ZNF385D: variants seen among roughly 807,000 people sequenced by gnomAD.
The protein encoded by ZNF385D is zinc finger protein 659.
In ZNF385D, 15 loss-of-function variants were observed where a neutral mutation model predicts 35.8. The ratio of observed to expected loss-of-function variants is 0.42; its 90% CI spans 0.28 to 0.64. The LOEUF is 0.64. Among genes scored for constraint, ZNF385D ranks in the 30% least tolerant of loss-of-function variants. ZNF385D has a pLI of 0.23. For missense variants in ZNF385D, 474 were observed against 494.6 expected (o/e 0.96, Z 0.39); for synonymous variants, 212 against 186.8 (o/e 1.13, Z -1.10).
intron 1 of ZNF385D, among the ~76,000 whole-genome samples, chr3:21,734,819 C>G (rs1314095090): frequency 6.6e-6 from 1 of 152,058 alleles, no homozygotes; most frequent in Non-Finnish European, 1.5e-5. Flanking sequence ...TACCATGGGA[C>G]AGCCAAGTTT....
intron 2 of ZNF385D, among the ~76,000 whole-genome samples, chr3:22,271,279 A>C (rs1701164041): frequency 6.6e-6 from 1 of 152,036 alleles, no homozygotes; most frequent in South Asian, 2.1e-4. Context: ...GGAGTAAAGA[A>C]AAGGCAGAGA....
chr3:21,763,291 T>C (rs1001850032), intron 3 of ZNF385D, among the ~76,000 whole-genome samples: 3 of 152,192 alleles, frequency 2.0e-5, no homozygotes, highest in Non-Finnish European at 4.4e-5. Context: ...CCCGGAGATA[T>C]TCAATCATGA....
At chr3:21,518,613 A>C (rs546312806) in intron 3 of ZNF385D, among the ~76,000 whole-genome samples, 1 of 152,292 alleles carries the variant, frequency 6.6e-6, no homozygotes, top group South Asian at 2.1e-4. Flanking sequence ...TTTTATTTGC[A>C]TTAAGCTGAG....
At chr3:22,133,564 A>T (rs1703929850) in intron 3 of ZNF385D, 3 of 152,138 alleles carry the variant, frequency 2.0e-5, no homozygotes, top group Non-Finnish European at 2.9e-5. Context: ...AGGCAAGATC[A>T]AGTAATAAGC....
At chr3:21,762,340 T>A (rs912983455) in intron 3 of ZNF385D, among the ~76,000 whole-genome samples, 3 of 152,204 alleles carry the variant, frequency 2.0e-5, no homozygotes, top group African/African-American at 7.2e-5. Flanking sequence ...CATTTCTCTA[T>A]GCCTGGTATC....
At chr3:22,294,326 A>C (rs1453280592) in intron 2 of ZNF385D, among the ~76,000 whole-genome samples, 2 of 151,942 alleles carry the variant, frequency 1.3e-5, no homozygotes, top group African/African-American at 4.8e-5. Flanking sequence ...TCCCTCCTTA[A>C]TGAGCCTCCA....
chr3:22,251,227 T>A (rs534064146), intron 2 of ZNF385D, among the ~76,000 whole-genome samples: 66 of 152,160 alleles, frequency 4.3e-4, no homozygotes, highest in Non-Finnish European at 7.9e-4. Flanking sequence ...TCCGTTTACA[T>A]GAGTGCTTAA....
At chr3:21,571,044 T>C (rs1264262970) in intron 2 of ZNF385D, among the ~76,000 whole-genome samples, 1 of 152,164 alleles carries the variant, frequency 6.6e-6, no homozygotes, top group East Asian at 1.9e-4. Flanking sequence ...AAAAAGTACA[T>C]ACATTTTAAG....
intron 3 of ZNF385D, among the ~76,000 whole-genome samples, chr3:21,932,560 C>A (rs533506161): frequency 1.3e-5 from 2 of 151,770 alleles, no homozygotes; most frequent in African/African-American, 4.8e-5. Flanking sequence ...AATGCAGTTA[C>A]TTTATGTGGC....
At chr3:22,129,975 G>C (rs929080535) in intron 3 of ZNF385D, among the ~76,000 whole-genome samples, 2 of 152,106 alleles carry the variant, frequency 1.3e-5, no homozygotes, top group African/African-American at 2.4e-5. Context: ...CATGGCGACT[G>C]CTGCCTGGCT....
Position 21,751,088 on chromosome 3 carries a change from C to G in ZNF385D, c.-172G>C, listed in dbSNP as rs2070056401. On this transcript the variant is annotated 5_prime_UTR_variant, in exon 1 of 8. Transcript: ENST00000281523. ...GCGGGATGAGCGCCTTGCAGGCTGC[C>G]TTTCCAGGGCTAAGATCCCCGGCGG... 2.7e-6 allele frequency: 4 copies of G among 1,494,970 alleles called. No homozygotes were observed. Among genetic ancestry groups the G allele is most frequent in the Non-Finnish European group, 2.7e-6 (3 of 1,120,804 alleles). 92.6% of individuals were successfully genotyped at this position (1,494,970 alleles called of 1,614,324 possible). A position where few individuals can be genotyped will look rare whatever the true frequency, so the allele number is the denominator to read the frequency against.
At chr3:21,946,838 G>C (rs1433718491) in intron 3 of ZNF385D, among the ~76,000 whole-genome samples, 2 of 152,056 alleles carry the variant, frequency 1.3e-5, no homozygotes, top group East Asian at 3.9e-4. Flanking sequence ...TGTCTAAAAA[G>C]TAAAAATAAA....
At chr3:22,369,623 GAATATT>G (rs1043291162) in intron 2 of ZNF385D, among the ~76,000 whole-genome samples, 115 of 152,134 alleles carry the variant, frequency 7.6e-4, no homozygotes, top group African/African-American at 2.6e-3. Flanking sequence ...CCCAAATTTG[GAATATT>G]AATAGCATTA....
At chr3:21,488,255 A>T (rs1275510739) in intron 4 of ZNF385D, among the ~76,000 whole-genome samples, 2 of 151,968 alleles carry the variant, frequency 1.3e-5, no homozygotes, top group East Asian at 3.9e-4. Flanking sequence ...CTTGCAGTAA[A>T]GGCAAAAATG....
chr3:21,752,085 T>TGGCAA (rs2070130312), upstream of ZNF385D, among the ~76,000 whole-genome samples: 1 of 129,714 alleles, frequency 7.7e-6, no homozygotes, highest in Non-Finnish European at 1.5e-5. Flanking sequence ...AGGCAAAGCT[T>TGGCAA]AGCAAAGCCT....
At chr3:22,174,786 A>C (rs1002105906) in intron 2 of ZNF385D, among the ~76,000 whole-genome samples, 1 of 152,162 alleles carries the variant, frequency 6.6e-6, no homozygotes, top group Non-Finnish European at 1.5e-5. Flanking sequence ...ATTTCATTAC[A>C]AAGTCAAAAT....
rs752409628 is a variant in ZNF385D at position 21,665,014 on chromosome 3, T to C, written c.37A>G (p.Ser13Gly). The C allele has an allele frequency of 4.3e-6, 7 of 1,611,198 alleles. No individual in the cohort carries two copies. The Admixed American group carries it at 6.7e-5, about 15-fold the overall frequency. Residue 13 changes from serine to glycine, a missense_variant, in exon 2 of 8, where the codon AGT becomes GGT. By Grantham distance (56) the Ser-to-Gly change is moderately conservative. Transcript: ENST00000281523. ...CGGACAAGGGCCGGGAGAGCAGGAC[T>C]CTGGCATGTACCACCTGTGAAGACC... ...NIMYFGGTCQ[S>G]PALPALVRPP... is the part of the protein sequence containing the mutation.
chr3:21,425,809 T>G (rs562851061), intron 5 of ZNF385D, 139 bp from the exon 6 acceptor site: 76 of 669,158 alleles, frequency 1.1e-4, no homozygotes, highest in Non-Finnish European at 1.6e-4. Context: ...TGATGCCTCA[T>G]TTTAGTGCAG....
chr3:21,608,513 T>C (rs976873033), intron 2 of ZNF385D, among the ~76,000 whole-genome samples: 4 of 152,218 alleles, frequency 2.6e-5, no homozygotes, highest in African/African-American at 9.6e-5. Context: ...AAGTTATTTT[T>C]ACCTATTCTG....
Sources: gnomAD v4.1 joint callset for allele counts (sites outside exome capture counted in the v4.1 genomes callset) on GRCh38, gnomAD v4.1.1 for gene constraint, MANE v1.5 for transcripts, NCBI Gene and HGNC (gene_info 2026-07-23, HGNC 2026-07-21) for gene names.